ATP2B3: variants seen among roughly 807,000 people sequenced by gnomAD.
The protein encoded by ATP2B3 is ATPase plasma membrane Ca2+ transporting 3, also known as plasma membrane calcium-transporting ATPase 3.
ATP2B3 carries 12 observed loss-of-function variants against 70.8 expected under a neutral mutation model. The observed-to-expected ratio is 0.17, with a 90% CI of 0.11 to 0.27. ATP2B3 has a LOEUF of 0.27. Among genes scored for constraint, ATP2B3 ranks in the 10% least tolerant of loss-of-function variants. The pLI is 1.00. For missense variants in ATP2B3, 858 were observed against 1,118.5 expected (o/e 0.77, Z 3.32); for synonymous variants, 460 against 497.8 (o/e 0.92, Z 1.01).
chrX:153,563,483 T>C (rs111840908), intron 20 of ATP2B3, among the ~76,000 whole-genome samples: 1 of 112,383 alleles, frequency 8.9e-6, no homozygotes, highest in East Asian at 2.8e-4. Flanking sequence ...CAGGGGCTGC[T>C]GCAGCTGCTG....
At chrX:153,532,148 G>A (rs782474143) in intron 2 of ATP2B3, among the ~76,000 whole-genome samples, 5 of 112,653 alleles carry the variant, frequency 4.4e-5, no homozygotes, top group African/African-American at 1.6e-4. Flanking sequence ...CCCTCGTAGG[G>A]TGTTTCCAAG....
At chrX:153,524,132 C>A (rs782120307) in intron 2 of ATP2B3, among the ~76,000 whole-genome samples, 1 of 110,012 alleles carries the variant, frequency 9.1e-6, no homozygotes, top group South Asian at 3.9e-4. Context: ...TTGTTGCTCA[C>A]AATTATTTGT....
intron 2 of ATP2B3, among the ~76,000 whole-genome samples, chrX:153,519,667 T>C (rs782152626): frequency 8.9e-6 from 1 of 112,701 alleles, no homozygotes; most frequent in African/African-American, 3.2e-5. Context: ...TCCCCGGCCA[T>C]TGATTGTCAC....
At chrX:153,529,259 T>C (rs1037874597) in intron 2 of ATP2B3, among the ~76,000 whole-genome samples, 1 of 111,779 alleles carries the variant, frequency 8.9e-6, no homozygotes, top group Non-Finnish European at 1.9e-5. Context: ...TGCCACCAAA[T>C]AGGGTACCCA....
rs1557016108 is a variant in ATP2B3, at chrX:153,560,930, A to C, written c.3051+43A>C. 5.0e-6 allele frequency: 6 copies of C among 1,198,424 alleles called. No individual in the cohort carries two copies. In the South Asian group the frequency reaches 7.1e-5, roughly 14 times the overall value. On this transcript the variant is annotated intron_variant, in intron 19 of 21. Coordinates refer to ENST00000263519, the MANE Select transcript of ATP2B3 (RefSeq NM_001001344.3). ...ACTCTTGGCCTCTGCCACTTGCAAA[A>C]AGTGGAGGTGGTGGGCTTCAAGACC...
intron 7 of ATP2B3, 70 bp from the exon 8 acceptor site, chrX:153,546,018 C>T (rs991142655): frequency 1.7e-6 from 2 of 1,154,008 alleles, no homozygotes; most frequent in East Asian, 3.0e-5. Flanking sequence ...TCCTCCCCAC[C>T]CCCTCTGCCA....
chrX:153,580,346 G>A lies in ATP2B3; in HGVS notation c.*48G>A. ...CGCACACGCACACTCGGACTCACACGAAGTCACACGCACACATGCACGCAC... is the reference window on the plus strand; with the variant it reads ...CGCACACGCACACTCGGACTCACACAAAGTCACACGCACACATGCACGCAC... On this transcript the variant is annotated 3_prime_UTR_variant, in exon 22 of 22. Coordinates refer to ENST00000263519, the MANE Select transcript of ATP2B3 (RefSeq NM_001001344.3). 2 of 1,107,700 alleles carry A rather than the reference G, an allele frequency of 1.8e-6. No individual in the cohort carries two copies. The highest frequency in any genetic ancestry group is 3.9e-5 in the South Asian group (2 of 50,646). The allele number at this position is 1,107,700 out of a possible 1,213,427, so 91.3% of individuals were successfully genotyped here.
At chrX:153,546,175 G>A in intron 8 of ATP2B3, 46 bp downstream of exon 8, 2 of 1,198,490 alleles carry the variant, frequency 1.7e-6, no homozygotes, top group Non-Finnish European at 2.3e-6. Context: ...GAGCCCTGGG[G>A]GTGGGGCTGG....
intron 2 of ATP2B3, among the ~76,000 whole-genome samples, chrX:153,519,040 C>T (rs1459397407): frequency 2.7e-5 from 3 of 111,661 alleles, no homozygotes; most frequent in Non-Finnish European, 5.7e-5. Context: ...CCCTCCTTTG[C>T]CCACTAGGAT....
intron 2 of ATP2B3, chrX:153,532,798 G>A (rs1162631137): frequency 1.8e-5 from 2 of 112,441 alleles, no homozygotes; most frequent in African/African-American, 6.5e-5. Context: ...CAGGCCTGCA[G>A]AACTGATAGG....
Position 153,580,214 on chromosome X carries a change from C to A in ATP2B3, c.3579C>A (p.Thr1193=). The part of the protein sequence containing the change: ...NNAIDSGIYL[T]THVTKSATSS... ...CCATAGACAGCGGCATCTACCTGAC[C>A]ACGCATGTCACCAAGTCAGCTACCT... The change falls in exon 22 of 22, where the codon ACC becomes ACA. Residue 1193 remains threonine (T), a synonymous_variant. Transcript: ENST00000263519. The A allele has an allele frequency of 8.3e-7, 1 of 1,209,561 alleles. No homozygotes were observed. The highest frequency in any genetic ancestry group is 1.1e-6 in the Non-Finnish European group (1 of 894,558).
intron 3 of ATP2B3, among the ~76,000 whole-genome samples, chrX:153,538,595 C>T (rs997886132): frequency 8.8e-6 from 1 of 113,023 alleles, no homozygotes; most frequent in Non-Finnish European, 1.9e-5. Context: ...GGCGGATTCG[C>T]TGGGAGCCGA....
At chrX:153,564,508 C>G (rs1557017386) in intron 20 of ATP2B3, among the ~76,000 whole-genome samples, 1 of 112,872 alleles carries the variant, frequency 8.9e-6, no homozygotes, top group African/African-American at 3.2e-5. Flanking sequence ...TCCCAGGAGC[C>G]CTTGCTGCAC....
At position 153,580,265 on chromosome X, in the gene ATP2B3, G is replaced by C; in HGVS notation, c.3630G>C (p.Gly1210=). ...ATSSVFSSSP[G]SPLHSVETSL is the part of the protein sequence containing the mutation. ...CTTCAGTGTTTTCCTCCAGTCCCGG[G>C]AGCCCGCTCCACAGCGTGGAGACGT... is the stretch of plus-strand genomic sequence containing the variant. The change falls in exon 22 of 22, where the codon GGG becomes GGC. Residue 1210 remains glycine (G), a synonymous_variant. Coordinates refer to ENST00000263519, the MANE Select transcript of ATP2B3 (RefSeq NM_001001344.3). The C allele has an allele frequency of 8.3e-7, 1 of 1,209,665 alleles. No individual in the cohort carries two copies. The highest frequency in any genetic ancestry group is 1.1e-6 in the Non-Finnish European group (1 of 894,238).
In ATP2B3 at chrX:153,541,681, T is replaced by C. The variant is rs1410645875; in HGVS notation, c.419T>C (p.Val140Ala). The change falls in exon 5 of 22, where the codon GTG becomes GCG. Residue 140 changes from valine (V) to alanine (A), a missense_variant. Physicochemically the swap from Val to Ala is moderately conservative, Grantham distance 64 (BLOSUM62 0). This residue lies in a region of ATP2B3 where 278 missense variants were observed against 366.2 expected (regional missense o/e 0.76). Transcript: ENST00000263519. Reference sequence around the variant, plus strand: ...GTCCTCCGCACAGCCTGTGGGAATGTGTCGGGAGGCGCAGAAGATGAGGGC... The same window carrying C: ...GTCCTCCGCACAGCCTGTGGGAATGCGTCGGGAGGCGCAGAAGATGAGGGC... The part of the protein sequence containing the change: ...PGEESEACGN[V>A]SGGAEDEGEA... 7.4e-6 allele frequency: 9 copies of C among 1,208,924 alleles called. No individual in the cohort carries two copies. Among genetic ancestry groups the C allele is most frequent in the Non-Finnish European group, 7.8e-6 (7 of 894,856 alleles).
Position 153,556,123 on chromosome X carries a change from G to A in ATP2B3, c.2133G>A (p.Thr711=), listed in dbSNP as rs146722317. 155 of 1,211,421 alleles carry A rather than the reference G, an allele frequency of 1.3e-4. No homozygotes were observed. In the African/African-American group the frequency reaches 1.8e-3, roughly 14 times the overall value. ...VRMVTGDNIN[T]ARAIAAKCGI... Reference sequence around the variant, plus strand: ...TGGTGACTGGGGACAACATCAACACGGCCCGGGCCATCGCAGCCAAATGCG... The same window carrying A: ...TGGTGACTGGGGACAACATCAACACAGCCCGGGCCATCGCAGCCAAATGCG... Residue 711 remains threonine (T), a synonymous_variant, in exon 14 of 22, where the codon ACG becomes ACA. Transcript: ENST00000263519.
intron 21 of ATP2B3, among the ~76,000 whole-genome samples, chrX:153,567,283 A>G (rs1478799157): frequency 8.8e-6 from 1 of 113,283 alleles, no homozygotes; most frequent in Non-Finnish European, 1.9e-5. Flanking sequence ...TCTTAAACAC[A>G]TCGAATGTTA....
intron 2 of ATP2B3, among the ~76,000 whole-genome samples, chrX:153,526,500 A>T (rs1361910841): frequency 1.8e-5 from 2 of 111,948 alleles, no homozygotes; most frequent in Admixed American, 1.9e-4. Flanking sequence ...TTGGGCTCGT[A>T]TGCCGGGTTC....
chrX:153,523,030 C>A (rs1341254501), intron 2 of ATP2B3, among the ~76,000 whole-genome samples: 1 of 111,996 alleles, frequency 8.9e-6, no homozygotes, highest in Non-Finnish European at 1.9e-5. Context: ...AATCCAACAT[C>A]TCCATTTGAT....
Sources: allele counts gnomAD v4.1 joint callset (sites outside exome capture counted in the v4.1 genomes callset), GRCh38; gene constraint gnomAD v4.1.1; regional missense constraint gnomAD v4.1.1; transcripts MANE v1.5; gene names NCBI Gene and HGNC (gene_info 2026-07-23, HGNC 2026-07-21).